Variants in COL24A1 observed in about 807,000 individuals in gnomAD.
The protein encoded by COL24A1 is collagen alpha-1(XXIV) chain.
COL24A1 carries 224 observed loss-of-function variants against 253.9 expected under a neutral mutation model. The observed-to-expected ratio is 0.88, with a 90% CI of 0.79 to 0.99. COL24A1 has a LOEUF of 0.99. Ranked by LOEUF, COL24A1 falls within the 50% of genes least tolerant of loss-of-function variation. The pLI, the probability that COL24A1 is intolerant of heterozygous loss-of-function variation, is 0.00. For missense variants in COL24A1, 2,131 were observed against 2,068.5 expected, an observed-to-expected ratio of 1.03 and a Z score of -0.59; for synonymous variants, 685 against 673.7, an observed-to-expected ratio of 1.02 and a Z score of -0.26.
chr1:85,869,491 C>T (rs937988405), intron 35 of COL24A1, among the ~76,000 whole-genome samples: 20 of 152,260 alleles, frequency 1.3e-4, no homozygotes, highest in South Asian at 2.1e-4. Context: ...AGACTAACAG[C>T]GGATCTCTTG....
At chr1:86,140,009 C>G (rs1275343935) in intron 2 of COL24A1, among the ~76,000 whole-genome samples, 1 of 152,000 alleles carries the variant, frequency 6.6e-6, no homozygotes, top group East Asian at 1.9e-4. Flanking sequence ...TAAAATAAAC[C>G]ATTTTATTTT....
At chr1:85,880,960 T>C (rs1259997140) in intron 32 of COL24A1, among the ~76,000 whole-genome samples, 1 of 152,258 alleles carries the variant, frequency 6.6e-6, no homozygotes, top group African/African-American at 2.4e-5. Flanking sequence ...TCTATGTTCA[T>C]GAATGATATT....
At chr1:86,093,921 A>G (rs1703699141) in intron 5 of COL24A1, among the ~76,000 whole-genome samples, 1 of 152,174 alleles carries the variant, frequency 6.6e-6, no homozygotes, top group Non-Finnish European at 1.5e-5. Context: ...GAGAAATGCA[A>G]TTCAAAACCA....
In COL24A1 at chr1:86,125,179, C is replaced by G; in HGVS notation, c.1157G>C (p.Gly386Ala). The G allele has an allele frequency of 6.2e-7, 1 of 1,613,030 alleles. No individual in the cohort carries two copies. Among genetic ancestry groups the G allele is most frequent in the South Asian group, 1.1e-5 (1 of 91,048 alleles). Residue 386 changes from glycine to alanine, a missense_variant, in exon 3 of 60, where the codon GGT (glycine) becomes GCT (alanine). Physicochemically the swap from Gly to Ala is moderately conservative, Grantham distance 60. Coordinates refer to ENST00000370571, the MANE Select transcript of COL24A1 (RefSeq NM_152890.7). ...TGGCATCTTCTTAAACAGTGACAGACCAGTTACTCTATCATCATGTTGTGT... is the reference window on the plus strand; with the variant it reads ...TGGCATCTTCTTAAACAGTGACAGAGCAGTTACTCTATCATCATGTTGTGT... The part of the protein sequence containing the change: ...NITQHDDRVT[G>A]LSLFKKMPSI...
intron 20 of COL24A1, among the ~76,000 whole-genome samples, chr1:85,982,004 G>C (rs1323538790): frequency 6.6e-6 from 1 of 152,032 alleles, no homozygotes; most frequent in Non-Finnish European, 1.5e-5. Flanking sequence ...ATAGCCAAGA[G>C]GTGTCAACAA....
chr1:86,116,829 G>A (rs1484940478), intron 3 of COL24A1, among the ~76,000 whole-genome samples: 1 of 152,072 alleles, frequency 6.6e-6, no homozygotes, highest in Non-Finnish European at 1.5e-5. Flanking sequence ...TATTGAGAGA[G>A]AAATGCTATT....
At chr1:86,146,257 C>A in intron 1 of COL24A1, 74 bp from the exon 2 acceptor site, 2 of 1,138,552 alleles carry the variant, frequency 1.8e-6, no homozygotes, top group South Asian at 2.7e-5. Context: ...CCAAAACAGT[C>A]TATGCAAGAT....
intron 24 of COL24A1, among the ~76,000 whole-genome samples, chr1:85,944,958 A>T (rs1571319104): frequency 1.5e-5 from 2 of 130,040 alleles, no homozygotes; most frequent in Non-Finnish European, 3.2e-5. Context: ...ATAGTATTCC[A>T]TGGTGTATAT....
chr1:85,745,326 A>G (rs1172958135), intron 56 of COL24A1, 115 bp downstream of exon 56: 6 of 560,462 alleles, frequency 1.1e-5, no homozygotes, highest in South Asian at 3.7e-5. Context: ...CACATTTTCA[A>G]TCTGTTTTAA....
chr1:85,849,516 A>C, intron 37 of COL24A1, 110 bp from the exon 38 acceptor site: 10 of 818,372 alleles, frequency 1.2e-5, no homozygotes, highest in Non-Finnish European at 2.0e-5. Flanking sequence ...GAGAAGTAAA[A>C]ATGAGGGTTA....
At chr1:85,810,042 T>TCAG (rs922915971) in intron 47 of COL24A1, among the ~76,000 whole-genome samples, 5 of 149,380 alleles carry the variant, frequency 3.3e-5, no homozygotes, top group Non-Finnish European at 5.9e-5. Flanking sequence ...AGGAAGGAGG[T>TCAG]CAGCAGCACT....
At chr1:85,781,490 C>T (rs747123829) in intron 51 of COL24A1, among the ~76,000 whole-genome samples, 2 of 152,072 alleles carry the variant, frequency 1.3e-5, no homozygotes, top group Non-Finnish European at 2.9e-5. Flanking sequence ...AGAGTTGCAT[C>T]TGTATAATTT....
chr1:85,822,412 T>C (rs2101978551), intron 45 of COL24A1, among the ~76,000 whole-genome samples: 1 of 152,278 alleles, frequency 6.6e-6, no homozygotes, highest in Non-Finnish European at 1.5e-5. Flanking sequence ...TTGAAATCAA[T>C]AGCATGTGAA....
At chr1:85,927,088 C>G (rs1402518185) in intron 24 of COL24A1, among the ~76,000 whole-genome samples, 1 of 151,756 alleles carries the variant, frequency 6.6e-6, no homozygotes, top group Non-Finnish European at 1.5e-5. Context: ...CCAAGACGGC[C>G]GAATAGGAAC....
rs184149680 is a variant in COL24A1, at chr1:86,022,669, T to C, written c.2149-78A>G. 2.1e-4 allele frequency: 303 copies of C among 1,435,850 alleles called. 1 individual carries two copies. The African/African-American group carries it at 3.9e-3, about 18-fold the overall frequency. 88.9% of individuals were successfully genotyped at this position (1,435,850 alleles called of 1,614,324 possible). On this transcript the variant is annotated intron_variant, in intron 16 of 59. Coordinates refer to ENST00000370571, the MANE Select transcript of COL24A1 (RefSeq NM_152890.7). The stretch of plus-strand genomic sequence containing the variant: ...ATTATAAGAAAGCAAATATTCATTG[T>C]AGAAGAATAATTTCTCTATTTTTCT...
At chr1:86,040,312 A>G (rs1188303359) in intron 12 of COL24A1, among the ~76,000 whole-genome samples, 1 of 148,958 alleles carries the variant, frequency 6.7e-6, no homozygotes, top group African/African-American at 2.5e-5. Flanking sequence ...TTCTTTTCTT[A>G]ATTTTATTTA....
At chr1:86,140,290 G>A (rs535655059) in intron 2 of COL24A1, among the ~76,000 whole-genome samples, 6 of 152,186 alleles carry the variant, frequency 3.9e-5, no homozygotes, top group Non-Finnish European at 8.8e-5. Context: ...TAAGATGCTG[G>A]CTCTGGAACA....
chr1:86,040,303 T>C (rs1351543160), intron 12 of COL24A1, among the ~76,000 whole-genome samples: 1 of 151,960 alleles, frequency 6.6e-6, no homozygotes, highest in Non-Finnish European at 1.5e-5. Context: ...CTTTTTTTTT[T>C]CTTTTCTTAA....
chr1:85,840,358 A>C (rs1676466855), intron 42 of COL24A1, among the ~76,000 whole-genome samples: 1 of 152,144 alleles, frequency 6.6e-6, no homozygotes. Flanking sequence ...TTAGATACCT[A>C]TATATCTATT....
Sources: gnomAD v4.1 joint callset for allele counts (sites outside exome capture counted in the v4.1 genomes callset) on GRCh38, gnomAD v4.1.1 for gene constraint, MANE v1.5 for transcripts, NCBI Gene and HGNC (gene_info 2026-07-23, HGNC 2026-07-21) for gene names.